ST6GALNAC3: variants seen among roughly 807,000 people sequenced by gnomAD.
ST6GALNAC3 encodes ST6 N-acetylgalactosaminide alpha-2,6-sialyltransferase 3.
ST6GALNAC3 carries 25 observed loss-of-function variants against 32.7 expected under a neutral mutation model. That is an observed-to-expected ratio of 0.76 (90% confidence interval 0.56 to 1.07). ST6GALNAC3 has a LOEUF of 1.07. ST6GALNAC3 is among the 50% of genes least tolerant of loss of function. The pLI is 0.00. For synonymous variants in ST6GALNAC3, 129 were observed against 133.1 expected (o/e 0.97, Z 0.21); for missense variants, 355 against 382.4 (o/e 0.93, Z 0.60).
chr1:76,335,863 T>C (rs947550562), intron 2 of ST6GALNAC3, among the ~76,000 whole-genome samples: 3 of 152,236 alleles, frequency 2.0e-5, no homozygotes, highest in Non-Finnish European at 4.4e-5. Flanking sequence ...GAATGACTTA[T>C]TTCTGACAAA....
intron 1 of ST6GALNAC3, among the ~76,000 whole-genome samples, chr1:76,270,825 T>G (rs1658802311): frequency 6.6e-6 from 1 of 152,160 alleles, no homozygotes; most frequent in Non-Finnish European, 1.5e-5. Context: ...TCAAAAGAGA[T>G]GTATCCAAAA....
At chr1:76,379,156 A>G (rs1308887594) in intron 2 of ST6GALNAC3, among the ~76,000 whole-genome samples, 1 of 152,200 alleles carries the variant, frequency 6.6e-6, no homozygotes, top group Admixed American at 6.5e-5. Flanking sequence ...TCGGCCTCCC[A>G]AAGTGCTGGG....
intron 1 of ST6GALNAC3, among the ~76,000 whole-genome samples, chr1:76,114,217 T>C (rs1319208777): frequency 6.6e-6 from 1 of 152,168 alleles, no homozygotes; most frequent in Non-Finnish European, 1.5e-5. Context: ...TATATATATT[T>C]AATGGTTGCT....
chr1:76,181,106 C>T (rs1298351194), intron 1 of ST6GALNAC3, among the ~76,000 whole-genome samples: 1 of 152,222 alleles, frequency 6.6e-6, no homozygotes, highest in African/African-American at 2.4e-5. Context: ...AACCCCTGCA[C>T]CTGTCCGTCT....
chr1:76,582,159 C>G (rs1172698526), intron 3 of ST6GALNAC3, among the ~76,000 whole-genome samples: 1 of 152,132 alleles, frequency 6.6e-6, no homozygotes, highest in African/African-American at 2.4e-5. Context: ...CACATGTTGA[C>G]TCTGACGTGC....
At chr1:76,457,241 A>G (rs369587559) in intron 3 of ST6GALNAC3, among the ~76,000 whole-genome samples, 24 of 149,800 alleles carry the variant, frequency 1.6e-4, no homozygotes, top group African/African-American at 4.6e-4. Flanking sequence ...ATGCTCATGG[A>G]TAGGAAGAAT....
chr1:76,544,754 C>T (rs1281450495), intron 3 of ST6GALNAC3, among the ~76,000 whole-genome samples: 2 of 152,128 alleles, frequency 1.3e-5, no homozygotes, highest in Admixed American at 6.6e-5. Flanking sequence ...GCTAGATATA[C>T]ATTTAGGAGT....
At chr1:76,357,722 T>C (rs972739615) in intron 2 of ST6GALNAC3, among the ~76,000 whole-genome samples, 1 of 152,234 alleles carries the variant, frequency 6.6e-6, no homozygotes, top group Non-Finnish European at 1.5e-5. Context: ...GGCTGTTCTT[T>C]GATCCTTTCC....
intron 3 of ST6GALNAC3, among the ~76,000 whole-genome samples, chr1:76,505,385 G>A (rs887208218): frequency 6.6e-6 from 1 of 152,160 alleles, no homozygotes; most frequent in Non-Finnish European, 1.5e-5. Flanking sequence ...GCTTCCCAAA[G>A]TGCTGGGATT....
At chr1:76,240,855 G>A (rs1382029594) in intron 1 of ST6GALNAC3, among the ~76,000 whole-genome samples, 1 of 152,118 alleles carries the variant, frequency 6.6e-6, no homozygotes, top group Non-Finnish European at 1.5e-5. Flanking sequence ...CTATCTCCAA[G>A]TTTGACTGAG....
At chr1:76,579,438 C>A (rs1345823522) in intron 3 of ST6GALNAC3, among the ~76,000 whole-genome samples, 2 of 151,778 alleles carry the variant, frequency 1.3e-5, no homozygotes, top group Admixed American at 6.6e-5. Context: ...AGTAGAATAC[C>A]AATCCCACAC....
In ST6GALNAC3 at chr1:76,158,247, T is replaced by A. The variant is rs116491980; in HGVS notation, c.18+83363T>A. On this transcript the variant is annotated intron_variant, in intron 1 of 4. Coordinates refer to ENST00000328299, the MANE Select transcript of ST6GALNAC3 (RefSeq NM_152996.4). ...ATTTGAACAGGTGGTTTTACTTTTT[T>A]TTTCTGTCTTTCCTGGCTTACTAAA... 2.0e-3 allele frequency among the ~76,000 whole-genome samples: 308 copies of A among 152,342 alleles called. 1 individual carries two copies. The highest frequency in any genetic ancestry group is 0.014 in the Middle Eastern group (4 of 292).
At chr1:76,167,856 G>T (rs1256039821) in intron 1 of ST6GALNAC3, among the ~76,000 whole-genome samples, 1 of 152,020 alleles carries the variant, frequency 6.6e-6, no homozygotes, top group East Asian at 1.9e-4. Flanking sequence ...TTCTGATTGT[G>T]TTTATTGGAA....
At chr1:76,324,773 C>T (rs1005399327) in intron 2 of ST6GALNAC3, among the ~76,000 whole-genome samples, 2 of 151,992 alleles carry the variant, frequency 1.3e-5, no homozygotes, top group African/African-American at 4.8e-5. Context: ...TTAATTGTAA[C>T]AAATGTATTA....
intron 1 of ST6GALNAC3, among the ~76,000 whole-genome samples, chr1:76,210,633 C>T (rs1055282623): frequency 1.2e-4 from 19 of 152,146 alleles, no homozygotes; most frequent in African/African-American, 2.7e-4. Context: ...TCAAGGTGTT[C>T]GCATGTTTGC....
At chr1:76,224,236 T>C (rs1275253870) in intron 1 of ST6GALNAC3, among the ~76,000 whole-genome samples, 1 of 152,198 alleles carries the variant, frequency 6.6e-6, no homozygotes, top group East Asian at 1.9e-4. Context: ...ATTTACTTTG[T>C]GAGGAACAAA....
chr1:76,334,910 T>G (rs115158371), intron 2 of ST6GALNAC3, among the ~76,000 whole-genome samples: 8 of 152,178 alleles, frequency 5.3e-5, no homozygotes, highest in African/African-American at 1.9e-4. Flanking sequence ...AGAATATGCA[T>G]AACTCCTGGG....
At chr1:76,513,169 T>C (rs999766289) in intron 3 of ST6GALNAC3, among the ~76,000 whole-genome samples, 2 of 152,104 alleles carry the variant, frequency 1.3e-5, no homozygotes, top group African/African-American at 2.4e-5. Context: ...TGCTTTTGTG[T>C]CCTATGCTTT....
intron 2 of ST6GALNAC3, among the ~76,000 whole-genome samples, chr1:76,407,259 T>G (rs888756180): frequency 1.6e-4 from 24 of 152,092 alleles, no homozygotes; most frequent in African/African-American, 5.1e-4. Flanking sequence ...TGATTAGAAT[T>G]TTAAAATTAT....
Sources: gnomAD v4.1 joint callset for allele counts (sites outside exome capture counted in the v4.1 genomes callset) on GRCh38, gnomAD v4.1.1 for gene constraint, MANE v1.5 for transcripts, NCBI Gene and HGNC (gene_info 2026-07-23, HGNC 2026-07-21) for gene names.